The following FGGY variants were observed in gnomAD, a reference collection of about 807,000 sequenced individuals.
The protein encoded by FGGY is FGGY carbohydrate kinase domain containing.
Under a neutral mutation model 71.3 loss-of-function variants are expected in FGGY, and 72 were observed. The observed-to-expected ratio is 1.01, with a 90% CI of 0.84 to 1.23. The LOEUF is 1.23. Among genes scored for constraint, FGGY ranks in the 50% most tolerant of loss-of-function variants. FGGY has a pLI of 0.00. For missense variants in FGGY, 668 were observed against 682.3 expected (o/e 0.98, Z 0.23); for synonymous variants, 251 against 250.3 (o/e 1.00, Z -0.02).
At chr1:59,575,757 C>G (rs2096065923) in intron 8 of FGGY, among the ~76,000 whole-genome samples, 1 of 152,130 alleles carries the variant, frequency 6.6e-6, no homozygotes, top group Admixed American at 6.5e-5. Flanking sequence ...GCTAAACTTT[C>G]TTATTTTTTT....
intron 3 of FGGY, 100 bp from the exon 4 acceptor site, chr1:59,346,146 GA>G (rs2051836266): frequency 3.5e-6 from 5 of 1,430,664 alleles, no homozygotes; most frequent in Admixed American, 4.0e-5. Context: ...TAAAATTATA[GA>G]AAGTACATAG....
At chr1:59,576,677 G>GACACAC (rs57817494) in intron 8 of FGGY, among the ~76,000 whole-genome samples, 2,097 of 130,070 alleles carry the variant, frequency 0.016, 20 homozygotes, top group Non-Finnish European at 0.018. Flanking sequence ...CAGACAGACA[G>GACACAC]ACACACACAC....
intron 4 of FGGY, among the ~76,000 whole-genome samples, chr1:59,376,599 C>A (rs763087456): frequency 6.6e-6 from 1 of 152,178 alleles, no homozygotes; most frequent in East Asian, 1.9e-4. Flanking sequence ...TAAACTGAAG[C>A]ACCCCTCACA....
At chr1:59,697,542 G>A (rs1439448851) in intron 14 of FGGY, 1 of 547,076 alleles carries the variant, frequency 1.8e-6, no homozygotes, top group Non-Finnish European at 3.3e-6. Flanking sequence ...TTCCTTCTTG[G>A]TTGTATTCTT....
In FGGY at chr1:59,324,266, C is replaced by CTTTTTT. The variant is rs71046329; in HGVS notation, c.201+2539_201+2544dup. 1.4e-4 allele frequency among the ~76,000 whole-genome samples: 11 copies of CTTTTTT among 78,136 alleles called. 1 individual carries two copies. The highest frequency in any genetic ancestry group is 2.2e-4 in the Non-Finnish European group (9 of 40,722). 51.3% of individuals were successfully genotyped at this position (78,136 alleles called of 152,430 possible). ...CTTCATTTTATCCTTATAATAACTA[C>CTTTTTT]TTTTTTTTTTTTTTTTTTTTTTTTT... On this transcript the variant is annotated intron_variant, in intron 2 of 15. Coordinates refer to ENST00000303721, the MANE Select transcript of FGGY (RefSeq NM_018291.5).
chr1:59,437,628 C>T (rs1031252990), intron 5 of FGGY, among the ~76,000 whole-genome samples: 5 of 152,172 alleles, frequency 3.3e-5, no homozygotes, highest in African/African-American at 9.7e-5. Flanking sequence ...GAATGCAGCT[C>T]GCTCTGGAGA....
chr1:59,334,116 T>G (rs986695836), intron 2 of FGGY, among the ~76,000 whole-genome samples: 1 of 152,144 alleles, frequency 6.6e-6, no homozygotes, highest in African/African-American at 2.4e-5. Flanking sequence ...GTTCACCCTT[T>G]CCCTCGCCAA....
At chr1:59,341,835 A>C (rs1004150937) in intron 3 of FGGY, among the ~76,000 whole-genome samples, 2 of 152,184 alleles carry the variant, frequency 1.3e-5, no homozygotes, top group Non-Finnish European at 2.9e-5. Flanking sequence ...TATTTAAGTA[A>C]AGGTCAGGTG....
At chr1:59,599,806 A>G (rs2096560367) in intron 8 of FGGY, among the ~76,000 whole-genome samples, 1 of 152,036 alleles carries the variant, frequency 6.6e-6, no homozygotes, top group Admixed American at 6.6e-5. Context: ...AGAAAATGGC[A>G]CAAGGGGAAT....
At chr1:59,351,845 TCTC>T (rs1216862566) in intron 4 of FGGY, among the ~76,000 whole-genome samples, 2 of 152,148 alleles carry the variant, frequency 1.3e-5, no homozygotes, top group Non-Finnish European at 2.9e-5. Context: ...TCATTTATCT[TCTC>T]CTTGTCCTTA....
chr1:59,370,973 C>G (rs936957174), intron 4 of FGGY, among the ~76,000 whole-genome samples: 9 of 151,822 alleles, frequency 5.9e-5, no homozygotes, highest in African/African-American at 2.2e-4. Flanking sequence ...TAAAGACCAT[C>G]GAGACTAGGA....
At chr1:59,589,774 A>AAG (rs2096391455) in intron 8 of FGGY, among the ~76,000 whole-genome samples, 3 of 152,346 alleles carry the variant, frequency 2.0e-5, no homozygotes, top group South Asian at 4.1e-4. Flanking sequence ...AATCTCTGGG[A>AAG]CATATTCAAA....
chr1:59,384,678 G>A (rs191327938), intron 5 of FGGY, among the ~76,000 whole-genome samples: 1 of 152,244 alleles, frequency 6.6e-6, no homozygotes, highest in African/African-American at 2.4e-5. Context: ...TCCATCATGT[G>A]CAGTCTGTAA....
chr1:59,667,231 A>G, intron 12 of FGGY, 52 bp from the exon 13 acceptor site: 1 of 1,610,614 alleles, frequency 6.2e-7, no homozygotes, highest in Non-Finnish European at 8.5e-7. Flanking sequence ...AGTGTTCCCT[A>G]GTGTTTACTT....
intron 5 of FGGY, among the ~76,000 whole-genome samples, chr1:59,438,617 A>G (rs1229559409): frequency 3.9e-5 from 6 of 152,194 alleles, no homozygotes; most frequent in Non-Finnish European, 2.9e-5. Flanking sequence ...TGGATTCATT[A>G]TAGTCCCCGG....
At chr1:59,521,573 G>A (rs1344829084) in intron 7 of FGGY, among the ~76,000 whole-genome samples, 1 of 152,096 alleles carries the variant, frequency 6.6e-6, no homozygotes, top group East Asian at 1.9e-4. Context: ...ACTCCTGTTT[G>A]GATAATGAGT....
intron 11 of FGGY, among the ~76,000 whole-genome samples, chr1:59,651,292 A>G (rs892309612): frequency 9.2e-5 from 14 of 151,874 alleles, no homozygotes; most frequent in Admixed American, 3.3e-4. Flanking sequence ...GCTGAGTTCA[A>G]TTCCTGGGTA....
chr1:59,607,672 G>T, intron 8 of FGGY, 131 bp from the exon 9 acceptor site: 1 of 606,790 alleles, frequency 1.6e-6, no homozygotes, highest in Non-Finnish European at 2.9e-6. Context: ...TCTTGGGAGA[G>T]AGTGACTTCC....
At chr1:59,373,927 G>C (rs1001132219) in intron 4 of FGGY, among the ~76,000 whole-genome samples, 8 of 152,100 alleles carry the variant, frequency 5.3e-5, no homozygotes, top group Admixed American at 5.2e-4. Flanking sequence ...AGACTTAAAC[G>C]TTAGACCTAA....
Sources: gnomAD v4.1 joint callset for allele counts (sites outside exome capture counted in the v4.1 genomes callset) on GRCh38, gnomAD v4.1.1 for gene constraint, MANE v1.5 for transcripts, NCBI Gene and HGNC (gene_info 2026-07-23, HGNC 2026-07-21) for gene names.